MYO5A: variants seen among roughly 807,000 people sequenced by gnomAD.
The protein encoded by MYO5A is myosin VA, also known as unconventional myosin-Va.
In MYO5A, 98 loss-of-function variants were observed where a neutral mutation model predicts 249.7. That is an observed-to-expected ratio of 0.39 (90% CI 0.33 to 0.46). The LOEUF (loss-of-function observed/expected upper bound fraction) is 0.46, where lower values mean the gene tolerates loss of function less well. Among genes scored for constraint, MYO5A ranks in the 20% least tolerant of loss-of-function variants. The probability of loss-of-function intolerance (pLI) is 0.98; values close to 1 mark genes in which losing one functional copy is unlikely to be tolerated. For missense variants in MYO5A, 1,696 were observed against 2,308.8 expected, an observed-to-expected ratio of 0.73 and a Z score of 5.44; for synonymous variants, 778 against 810.6, an observed-to-expected ratio of 0.96 and a Z score of 0.68.
At position 52,422,386 on chromosome 15, in the gene MYO5A, G is replaced by T. The variant is rs567973885; in HGVS notation, c.455+3444C>A. Among the ~76,000 whole-genome samples the T allele has an allele frequency of 8.5e-5, 13 of 152,182 alleles. No homozygotes were observed. The South Asian group carries it at 1.7e-3, about 19-fold the overall frequency. Reference sequence around the variant, plus strand: ...CCTTAAAGATCTAAATTAGAACTCTGCTCCCTTCCCCCTACTCCCCACCCT... The same window carrying T: ...CCTTAAAGATCTAAATTAGAACTCTTCTCCCTTCCCCCTACTCCCCACCCT... On this transcript the variant is annotated intron_variant, in intron 4 of 41. Transcript: ENST00000399233.
chr15:52,341,851 A>G (rs1399930276), intron 31 of MYO5A, among the ~76,000 whole-genome samples: 4 of 152,372 alleles, frequency 2.6e-5, no homozygotes, highest in African/African-American at 4.8e-5. Flanking sequence ...TCACTAGAGC[A>G]GATGAATGTC....
intron 1 of MYO5A, among the ~76,000 whole-genome samples, chr15:52,454,606 A>G (rs1440500289): frequency 6.6e-6 from 1 of 152,144 alleles, no homozygotes. Flanking sequence ...AACTTGGGCC[A>G]CAAAACAAAT....
intron 22 of MYO5A, among the ~76,000 whole-genome samples, chr15:52,367,870 A>AACACACACACACACACAC (rs3985806): frequency 7.8e-5 from 11 of 141,884 alleles, no homozygotes; most frequent in South Asian, 2.3e-4. Flanking sequence ...TATATTTTAA[A>AACACACACACACACACAC]ACACACACAC....
chr15:52,452,133 C>T (rs779172173), intron 1 of MYO5A, among the ~76,000 whole-genome samples: 7 of 152,102 alleles, frequency 4.6e-5, no homozygotes, highest in African/African-American at 1.4e-4. Flanking sequence ...CCCCCTCCCC[C>T]CACTGAAAAC....
At chr15:52,527,909 CAT>C (rs777688453) in intron 1 of MYO5A, among the ~76,000 whole-genome samples, 1 of 152,248 alleles carries the variant, frequency 6.6e-6, no homozygotes, top group Admixed American at 6.5e-5. Flanking sequence ...TCTACCTACA[CAT>C]GAGTGTACAG....
chr15:52,369,616 T>A (rs997979796), intron 22 of MYO5A, among the ~76,000 whole-genome samples: 1 of 152,134 alleles, frequency 6.6e-6, no homozygotes, highest in Non-Finnish European at 1.5e-5. Flanking sequence ...AATACAGCCT[T>A]AATGCAGGCT....
intron 1 of MYO5A, among the ~76,000 whole-genome samples, chr15:52,466,834 A>C (rs968627175): frequency 6.6e-6 from 1 of 152,162 alleles, no homozygotes; most frequent in Non-Finnish European, 1.5e-5. Flanking sequence ...TGAAGAGCCC[A>C]CTGCAACAAT....
chr15:52,373,145 CT>C (rs2041218782), intron 20 of MYO5A, among the ~76,000 whole-genome samples: 1 of 151,938 alleles, frequency 6.6e-6, no homozygotes, highest in African/African-American at 2.4e-5. Flanking sequence ...ACTAATCTTA[CT>C]TTTGATTTTA....
chr15:52,352,691 G>T (rs1264045897), intron 27 of MYO5A, among the ~76,000 whole-genome samples: 1 of 152,080 alleles, frequency 6.6e-6, no homozygotes, highest in Non-Finnish European at 1.5e-5. Flanking sequence ...GCTGAGGCAG[G>T]AGAATGGCAT....
chr15:52,314,308 T>C (rs2037887442), intron 40 of MYO5A, 105 bp from the exon 41 acceptor site: 1 of 833,672 alleles, frequency 1.2e-6, no homozygotes, highest in East Asian at 2.6e-5. Context: ...ATTTCAGTTC[T>C]ACTCAGGGGT....
At chr15:52,521,730 T>C (rs1296625913) in intron 1 of MYO5A, among the ~76,000 whole-genome samples, 1 of 152,166 alleles carries the variant, frequency 6.6e-6, no homozygotes, top group Non-Finnish European at 1.5e-5. Context: ...TGCCTGCTAG[T>C]TAAAAAGAAT....
At chr15:52,434,102 T>G (rs908462965) in intron 1 of MYO5A, among the ~76,000 whole-genome samples, 1 of 150,954 alleles carries the variant, frequency 6.6e-6, no homozygotes, top group African/African-American at 2.4e-5. Flanking sequence ...CGGGTTCAAG[T>G]GATTCTCCTG....
intron 1 of MYO5A, among the ~76,000 whole-genome samples, chr15:52,451,619 A>G (rs2076021936): frequency 1.3e-5 from 2 of 151,908 alleles, no homozygotes; most frequent in Admixed American, 1.3e-4. Context: ...TAGCCCCTCT[A>G]TTCACCCCAC....
chr15:52,498,374 C>G (rs1214265968), intron 1 of MYO5A, among the ~76,000 whole-genome samples: 1 of 152,084 alleles, frequency 6.6e-6, no homozygotes, highest in Non-Finnish European at 1.5e-5. Context: ...GTAAAAAATT[C>G]TAAGGCTTCT....
intron 1 of MYO5A, among the ~76,000 whole-genome samples, chr15:52,519,544 C>T (rs557692541): frequency 6.6e-6 from 1 of 151,308 alleles, no homozygotes; most frequent in Non-Finnish European, 1.5e-5. Context: ...CCCAGGAGTT[C>T]GAGGCTGCAG....
intron 1 of MYO5A, among the ~76,000 whole-genome samples, chr15:52,513,753 C>T (rs1434364601): frequency 1.1e-4 from 16 of 152,082 alleles, no homozygotes; most frequent in Admixed American, 1.0e-3. Flanking sequence ...ATTCTATAGC[C>T]AATAACTAGG....
At chr15:52,320,730 T>C (rs1171816692) in intron 38 of MYO5A, among the ~76,000 whole-genome samples, 1 of 152,148 alleles carries the variant, frequency 6.6e-6, no homozygotes, top group Non-Finnish European at 1.5e-5. Flanking sequence ...AGCCTGCTGA[T>C]AGGCTGGGTG....
At chr15:52,451,979 T>C (rs1724586) in intron 1 of MYO5A, among the ~76,000 whole-genome samples, 18,233 of 152,206 alleles carry the variant, frequency 0.12, 1,342 homozygotes, top group South Asian at 0.17. Context: ...AATTACTTAC[T>C]GAATAAATGT....
intron 1 of MYO5A, among the ~76,000 whole-genome samples, chr15:52,466,928 G>A (rs1047834369): frequency 2.0e-5 from 3 of 152,156 alleles, no homozygotes; most frequent in East Asian, 1.9e-4. Context: ...AGCTGCACAG[G>A]AGGTTGTGTG....
Sources: gnomAD v4.1 joint callset for allele counts (sites outside exome capture counted in the v4.1 genomes callset) on GRCh38, gnomAD v4.1.1 for gene constraint, MANE v1.5 for transcripts, NCBI Gene and HGNC (gene_info 2026-07-23, HGNC 2026-07-21) for gene names.